The following CANX variants were observed in gnomAD, a reference collection of about 807,000 sequenced individuals.
CANX encodes the protein epididymis secretory sperm binding protein.
Under a neutral mutation model 75.7 loss-of-function variants are expected in CANX, and 14 were observed. That is an observed-to-expected ratio of 0.19 (90% confidence interval 0.12 to 0.29). The LOEUF is 0.29. Ranked by LOEUF, CANX falls within the 10% of genes least tolerant of loss-of-function variation. CANX has a pLI of 1.00. For missense variants in CANX, 567 were observed against 713.2 expected, an observed-to-expected ratio of 0.79 and a Z score of 2.34; for synonymous variants, 227 against 236.9, an observed-to-expected ratio of 0.96 and a Z score of 0.38.
chr5:179,681,099 G>T, intron 1 of CANX: 2 of 591,344 alleles, frequency 3.4e-6, no homozygotes, highest in East Asian at 2.9e-5. Context: ...TCCAGGCCAG[G>T]CCACCCCAGG....
chr5:179,688,372 T>TC (rs1240905689), intron 1 of CANX, among the ~76,000 whole-genome samples: 2 of 144,284 alleles, frequency 1.4e-5, no homozygotes, highest in Non-Finnish European at 3.0e-5. Flanking sequence ...TTTTTTTTTT[T>TC]TTTTTTTTTG....
At chr5:179,701,162 G>T (rs1263176710) in intron 1 of CANX, among the ~76,000 whole-genome samples, 1 of 151,644 alleles carries the variant, frequency 6.6e-6, no homozygotes, top group Non-Finnish European at 1.5e-5. Context: ...CACTGCGCCC[G>T]GCCCAGTGTG....
At chr5:179,689,871 T>C (rs926602542) in intron 1 of CANX, among the ~76,000 whole-genome samples, 7 of 152,180 alleles carry the variant, frequency 4.6e-5, no homozygotes, top group African/African-American at 1.4e-4. Context: ...AATTTAAAGA[T>C]TCACAATTTA....
At chr5:179,698,552 TC>T, upstream of CANX, 5 of 1,289,372 alleles carry the variant, frequency 3.9e-6, no homozygotes, top group Non-Finnish European at 5.1e-6. Context: ...GTTTGCCCCG[TC>T]AGCGAAGGGC....
At chr5:179,705,937 T>G (rs1777106152) in intron 2 of CANX, 85 bp downstream of exon 2, 1 of 1,119,300 alleles carries the variant, frequency 8.9e-7, no homozygotes. Context: ...AAATGTAGTC[T>G]CAACTACTCA....
intron 8 of CANX, among the ~76,000 whole-genome samples, chr5:179,718,806 G>T (rs1778128257): frequency 6.6e-6 from 1 of 152,192 alleles, no homozygotes; most frequent in Non-Finnish European, 1.5e-5. Context: ...AGGATTACAG[G>T]CATGAGCCAC....
At position 179,698,996 on chromosome 5, in the gene CANX, G is replaced by T; in HGVS notation, c.-110G>T. On this transcript the variant is annotated 5_prime_UTR_variant, in exon 1 of 15. Coordinates refer to ENST00000247461, the MANE Select transcript of CANX (RefSeq NM_001746.4). ...GTGGCCGAGGCCTCTTGGTTCTGCGGCACGTGACGGTCGGGCCGCCTCCGC... is the reference window on the plus strand; with the variant it reads ...GTGGCCGAGGCCTCTTGGTTCTGCGTCACGTGACGGTCGGGCCGCCTCCGC... 1 of 1,125,164 alleles carries T rather than the reference G, an allele frequency of 8.9e-7. No homozygotes were observed. The highest frequency in any genetic ancestry group is 1.1e-6 in the Non-Finnish European group (1 of 912,622). The allele number at this position is 1,125,164 out of a possible 1,614,324, so 69.7% of individuals were successfully genotyped here. A position where few individuals can be genotyped will look rare whatever the true frequency, so the allele number is the denominator to read the frequency against.
chr5:179,692,106 G>A lies in CANX; in HGVS notation c.-4+13329G>A, dbSNP rs112644248. 1.1e-4 allele frequency among the ~76,000 whole-genome samples: 17 copies of A among 150,420 alleles called. No individual in the cohort carries two copies. The South Asian group carries it at 2.7e-3, about 24-fold the overall frequency. ...ATTTTTTTTTTTGAGACAAAGTCTC[G>A]CTCTGTTGCCCAGGCTGGAGTGCAG... On this transcript the variant is annotated intron_variant, in intron 1 of 14. Transcript: ENST00000681674.
upstream of CANX, chr5:179,694,633 A>T: frequency 1.2e-6 from 1 of 846,730 alleles, no homozygotes; most frequent in Admixed American, 1.8e-5. Context: ...AAGCTGAAGG[A>T]GAAGTACGAG....
chr5:179,688,250 T>C (rs534561248), intron 1 of CANX, among the ~76,000 whole-genome samples: 4 of 151,498 alleles, frequency 2.6e-5, no homozygotes, highest in African/African-American at 9.7e-5. Context: ...AGACAGGGTT[T>C]CACCATGTTG....
At chr5:179,713,191 C>G (rs937752899) in intron 7 of CANX, among the ~76,000 whole-genome samples, 7 of 152,058 alleles carry the variant, frequency 4.6e-5, no homozygotes, top group African/African-American at 2.4e-5. Flanking sequence ...CAGTGATTCT[C>G]CCGTCTCAGC....
chr5:179,723,639 C>T, intron 11 of CANX, 21 bp from the exon 12 acceptor site: 1 of 1,601,362 alleles, frequency 6.2e-7, no homozygotes. Flanking sequence ...AACTTTCAAT[C>T]AGCCCTGTCT....
intron 10 of CANX, among the ~76,000 whole-genome samples, chr5:179,721,914 T>A (rs187757819): frequency 7.9e-5 from 12 of 152,160 alleles, no homozygotes; most frequent in African/African-American, 2.7e-4. Context: ...TATATACATA[T>A]ACTAATATAT....
intron 8 of CANX, among the ~76,000 whole-genome samples, chr5:179,717,231 T>C (rs1022325704): frequency 2.0e-5 from 3 of 152,328 alleles, no homozygotes; most frequent in African/African-American, 2.4e-5. Flanking sequence ...AACTGAACTT[T>C]TGTACTGCAC....
intron 1 of CANX, among the ~76,000 whole-genome samples, chr5:179,685,458 G>C (rs1198812475): frequency 1.3e-5 from 2 of 151,474 alleles, no homozygotes; most frequent in Non-Finnish European, 2.9e-5. Context: ...ATGTTGGTCA[G>C]GCTGGTCTTG....
intron 1 of CANX, among the ~76,000 whole-genome samples, chr5:179,701,769 G>A (rs866591035): frequency 4.9e-4 from 13 of 26,326 alleles, no homozygotes; most frequent in African/African-American, 9.3e-4. Context: ...TTTTTGAGAC[G>A]GAGTCTCCCT....
chr5:179,710,097 G>T (rs763496854), intron 7 of CANX, 32 bp downstream of exon 7: 14 of 1,257,952 alleles, frequency 1.1e-5, no homozygotes, highest in Non-Finnish European at 1.5e-5. Flanking sequence ...GGGGCTTATG[G>T]TATTACATAT....
chr5:179,681,103 C>A, intron 1 of CANX: 1 of 584,044 alleles, frequency 1.7e-6, no homozygotes, highest in South Asian at 1.9e-5. Context: ...GGCCAGGCCA[C>A]CCCAGGACAA....
At chr5:179,725,877 A>G (rs1411131748) in intron 13 of CANX, among the ~76,000 whole-genome samples, 1 of 150,362 alleles carries the variant, frequency 6.7e-6, no homozygotes, top group East Asian at 2.0e-4. Flanking sequence ...AGTCCCACCT[A>G]TTCGGGAGGC....
Sources: gnomAD v4.1 joint callset for allele counts (sites outside exome capture counted in the v4.1 genomes callset) on GRCh38, gnomAD v4.1.1 for gene constraint, MANE v1.5 for transcripts, NCBI Gene and HGNC (gene_info 2026-07-23, HGNC 2026-07-21) for gene names.